Variants in SLC2A12 observed in about 807,000 individuals in gnomAD.
SLC2A12 encodes the protein solute carrier family 2 member 12, also known as solute carrier family 2, facilitated glucose transporter member 12.
SLC2A12 carries 23 observed loss-of-function variants against 41.8 expected under a neutral mutation model. The ratio of observed to expected loss-of-function variants is 0.55; its 90% confidence interval spans 0.40 to 0.78. The LOEUF is 0.78. SLC2A12 is among the 30% of genes least tolerant of loss of function. The pLI is 0.00. For missense variants in SLC2A12, 654 were observed against 745.6 expected (o/e 0.88, Z 1.43); for synonymous variants, 295 against 285.9 (o/e 1.03, Z -0.32).
At chr6:133,992,071 T>C (rs140524313) in intron 4 of SLC2A12, among the ~76,000 whole-genome samples, 119 of 152,306 alleles carry the variant, frequency 7.8e-4, no homozygotes, top group Middle Eastern at 3.4e-3. Context: ...GGGAGGGAAC[T>C]CCTGCAGAGA....
chr6:134,001,313 T>A (rs975730654), intron 4 of SLC2A12, among the ~76,000 whole-genome samples: 26 of 152,282 alleles, frequency 1.7e-4, no homozygotes, highest in African/African-American at 6.3e-4. Context: ...GGAAATAAAC[T>A]GTTTTTTAAA....
At chr6:134,010,875 C>G (rs1054073397) in intron 2 of SLC2A12, among the ~76,000 whole-genome samples, 5 of 152,148 alleles carry the variant, frequency 3.3e-5, no homozygotes, top group South Asian at 4.2e-4. Context: ...GTGTGTTTCC[C>G]CCTCCTACCT....
intron 2 of SLC2A12, among the ~76,000 whole-genome samples, chr6:134,008,431 C>A (rs1459242727): frequency 1.3e-5 from 2 of 152,114 alleles, no homozygotes; most frequent in African/African-American, 4.8e-5. Flanking sequence ...TAAAAAGTAG[C>A]GTAATTATTA....
chr6:134,052,378 CT>C lies in SLC2A12; in HGVS notation c.102del (p.Gly35AlafsTer38), dbSNP rs1181577930. On this transcript the variant is annotated frameshift_variant and splice_region_variant, in exon 1 of 5. Coordinates refer to ENST00000275230, the MANE Select transcript of SLC2A12 (RefSeq NM_145176.3). LOFTEE classifies it high-confidence loss of function. Reference sequence around the variant, plus strand: ...CCCGAGCACTGCAGGCTCACTTTACCTCTCGCCCAGGGAGGATGCCGGCTGC... The same window carrying C: ...CCCGAGCACTGCAGGCTCACTTTACCCTCGCCCAGGGAGGATGCCGGCTGC... The part of the protein sequence containing the change: ...GSGSRHPPWA[R>X]GCGMFTFLSS... 6.2e-7 allele frequency: 1 copy of C among 1,611,690 alleles called. No homozygotes were observed. The highest frequency in any genetic ancestry group is 1.3e-5 in the African/African-American group (1 of 74,902).
At chr6:134,007,788 C>T (rs1776832827) in intron 2 of SLC2A12, among the ~76,000 whole-genome samples, 1 of 152,186 alleles carries the variant, frequency 6.6e-6, no homozygotes, top group African/African-American at 2.4e-5. Flanking sequence ...ATTTGATCCT[C>T]ACAAACCCCT....
In SLC2A12 at chr6:134,006,908, A is replaced by G. The variant is rs2114433804; in HGVS notation, c.1471T>C (p.Phe491Leu). Residue 491 changes from phenylalanine (F) to leucine (L), a missense_variant, in exon 3 of 5, where the codon TTT becomes CTT. Transcript: ENST00000275230. ...GCTCGTCCTCTGATCCCACCAGGAA[A>G]GATCTCGCTGAGCACCAGCCAGGGC... is the stretch of plus-strand genomic sequence containing the variant. ...PMPWLVLSEI[F>L]PGGIRGRAMA... 6.2e-7 allele frequency: 1 copy of G among 1,614,156 alleles called. No homozygotes were observed. Among genetic ancestry groups the G allele is most frequent in the East Asian group, 2.2e-5 (1 of 44,870 alleles).
intron 2 of SLC2A12, among the ~76,000 whole-genome samples, chr6:134,026,755 G>A (rs1777118190): frequency 6.6e-6 from 1 of 152,226 alleles, no homozygotes; most frequent in African/African-American, 2.4e-5. Context: ...TCTACTCACA[G>A]TGCAGAGGAA....
chr6:134,048,577 C>A (rs908006174), intron 1 of SLC2A12, among the ~76,000 whole-genome samples: 2 of 152,090 alleles, frequency 1.3e-5, no homozygotes, highest in African/African-American at 4.8e-5. Flanking sequence ...TCAGAAAAAA[C>A]AAAACAACAA....
At chr6:134,024,107 G>A (rs754329557) in intron 2 of SLC2A12, among the ~76,000 whole-genome samples, 7 of 152,212 alleles carry the variant, frequency 4.6e-5, no homozygotes, top group Non-Finnish European at 8.8e-5. Flanking sequence ...AGGGCCCAGC[G>A]AGTTTGGCCA....
At chr6:134,034,369 C>T (rs2114490168) in intron 1 of SLC2A12, among the ~76,000 whole-genome samples, 1 of 152,300 alleles carries the variant, frequency 6.6e-6, no homozygotes, top group Admixed American at 6.5e-5. Context: ...TTTTCCCCTT[C>T]CCTTACTACT....
chr6:133,994,717 C>T (rs995822485), intron 4 of SLC2A12, among the ~76,000 whole-genome samples: 4 of 152,100 alleles, frequency 2.6e-5, no homozygotes, highest in Admixed American at 1.3e-4. Flanking sequence ...GAGACTCCAT[C>T]TCAAACAAAC....
intron 4 of SLC2A12, among the ~76,000 whole-genome samples, chr6:133,992,457 A>G (rs982541238): frequency 2.6e-5 from 4 of 152,312 alleles, no homozygotes; most frequent in South Asian, 4.1e-4. Context: ...TCAACTCACC[A>G]GGGAAATGTG....
intron 1 of SLC2A12, among the ~76,000 whole-genome samples, chr6:134,035,453 C>T (rs1435356157): frequency 6.6e-6 from 1 of 152,156 alleles, no homozygotes; most frequent in Non-Finnish European, 1.5e-5. Context: ...CTGGACAGGC[C>T]TTGCTGGGTT....
intron 3 of SLC2A12, among the ~76,000 whole-genome samples, chr6:134,005,554 GGAGGCT>G (rs1051183237): frequency 6.6e-6 from 1 of 150,482 alleles, no homozygotes; most frequent in African/African-American, 2.4e-5. Flanking sequence ...CAGCTACTTG[GGAGGCT>G]GAGGCAAGAG....
intron 2 of SLC2A12, among the ~76,000 whole-genome samples, chr6:134,011,656 C>T (rs891309227): frequency 6.6e-6 from 1 of 152,080 alleles, no homozygotes; most frequent in Non-Finnish European, 1.5e-5. Context: ...AAGTTATTAA[C>T]AGGAGATCGA....
chr6:134,047,267 T>C (rs1428953461), intron 1 of SLC2A12, among the ~76,000 whole-genome samples: 1 of 152,212 alleles, frequency 6.6e-6, no homozygotes, highest in Admixed American at 6.5e-5. Context: ...TTTAAAATCT[T>C]ATATAACCCG....
At chr6:134,009,050 C>T (rs550649609) in intron 2 of SLC2A12, 2 of 152,180 alleles carry the variant, frequency 1.3e-5, no homozygotes, top group African/African-American at 4.8e-5. Flanking sequence ...CTGGGCTCAT[C>T]AGAACCACCT....
intron 1 of SLC2A12, among the ~76,000 whole-genome samples, chr6:134,050,599 C>T (rs561593311): frequency 7.2e-5 from 11 of 152,246 alleles, no homozygotes; most frequent in Admixed American, 1.3e-4. Flanking sequence ...TCAAAATAAA[C>T]AGTCCATTTT....
At chr6:134,020,752 T>C (rs1414867291) in intron 2 of SLC2A12, among the ~76,000 whole-genome samples, 1 of 152,206 alleles carries the variant, frequency 6.6e-6, no homozygotes, top group Non-Finnish European at 1.5e-5. Context: ...TCACGTGTGA[T>C]TACCCAGGCC....
Sources: allele counts gnomAD v4.1 joint callset (sites outside exome capture counted in the v4.1 genomes callset), GRCh38; gene constraint gnomAD v4.1.1; transcripts MANE v1.5; gene names NCBI Gene and HGNC (gene_info 2026-07-23, HGNC 2026-07-21).